The following GABBR2 variants were observed in gnomAD, a reference collection of about 807,000 sequenced individuals.
The protein encoded by GABBR2 is G-protein coupled receptor 51.
In GABBR2, 23 loss-of-function variants were observed where a neutral mutation model predicts 105.6. The observed-to-expected ratio is 0.22, with a 90% CI of 0.16 to 0.31. The LOEUF (loss-of-function observed/expected upper bound fraction) is 0.31, where lower values mean the gene tolerates loss of function less well. Ranked by LOEUF, GABBR2 falls within the 10% of genes least tolerant of loss-of-function variation. The pLI is 1.00. For missense variants in GABBR2, 734 were observed against 1,245.5 expected, an observed-to-expected ratio of 0.59 and a Z score of 6.18; for synonymous variants, 478 against 499.7, an observed-to-expected ratio of 0.96 and a Z score of 0.58.
intron 1 of GABBR2, among the ~76,000 whole-genome samples, chr9:98,610,228 T>C (rs993132596): frequency 6.6e-6 from 1 of 152,136 alleles, no homozygotes; most frequent in Non-Finnish European, 1.5e-5. Flanking sequence ...CCATTTAACC[T>C]CTCTGAGCCT....
At chr9:98,648,976 A>G (rs1286156065) in intron 1 of GABBR2, among the ~76,000 whole-genome samples, 4 of 152,164 alleles carry the variant, frequency 2.6e-5, no homozygotes, top group Non-Finnish European at 5.9e-5. Flanking sequence ...TTCTTTTTAA[A>G]TGGGTCATGC....
chr9:98,362,497 TC>T (rs1831603029), intron 13 of GABBR2: 2 of 303,194 alleles, frequency 6.6e-6, no homozygotes, highest in Non-Finnish European at 1.2e-5. Context: ...GCCCAACATT[TC>T]CCATTCATTC....
intron 13 of GABBR2, among the ~76,000 whole-genome samples, chr9:98,335,669 A>G (rs1831102166): frequency 6.6e-6 from 1 of 152,026 alleles, no homozygotes; most frequent in African/African-American, 2.4e-5. Context: ...ATCATTCAAC[A>G]ACAACAACAA....
intron 6 of GABBR2, among the ~76,000 whole-genome samples, chr9:98,465,375 C>G (rs889754731): frequency 1.3e-5 from 2 of 152,058 alleles, no homozygotes; most frequent in African/African-American, 4.8e-5. Context: ...ACCTCACATC[C>G]TATACAAAAT....
rs1588171736 is a variant in GABBR2 at position 98,458,194 on chromosome 9, G to C, written c.1000-3977C>G. On this transcript the variant is annotated intron_variant, in intron 6 of 18. Transcript: ENST00000259455. ...GAGCTGAGTCCTTCTTCCTGGGAGAGGGGAGCCTCATGGACAGAAGAGAGG... is the reference window on the plus strand; with the variant it reads ...GAGCTGAGTCCTTCTTCCTGGGAGACGGGAGCCTCATGGACAGAAGAGAGG... 2.6e-5 allele frequency among the ~76,000 whole-genome samples: 4 copies of C among 152,298 alleles called. No homozygotes were observed. In the South Asian group the frequency reaches 6.2e-4, roughly 24 times the overall value.
At position 98,327,058 on chromosome 9, in the gene GABBR2, C is replaced by T. The variant is rs141566901; in HGVS notation, c.1894-15853G>A. Among the ~76,000 whole-genome samples, 59 of 152,304 alleles carry T rather than the reference C, an allele frequency of 3.9e-4. 2 individuals are homozygous for T. In the East Asian group the frequency reaches 0.011, roughly 29 times the overall value. On this transcript the variant is annotated intron_variant, in intron 13 of 18. Transcript: ENST00000259455. ...TGTTTCAATACCCTGTTGGGCTAAACGCTTCTTTTGAAGATGGAAGACTGT... is the reference window on the plus strand; with the variant it reads ...TGTTTCAATACCCTGTTGGGCTAAATGCTTCTTTTGAAGATGGAAGACTGT...
chr9:98,628,472 A>C (rs1829775630), intron 1 of GABBR2, among the ~76,000 whole-genome samples: 1 of 152,170 alleles, frequency 6.6e-6, no homozygotes, highest in Non-Finnish European at 1.5e-5. Flanking sequence ...GCTCCGGGGC[A>C]CCATTTGGCT....
Position 98,480,913 on chromosome 9 carries a change from A to T in GABBR2, c.798+19T>A. On this transcript the variant is annotated intron_variant, in intron 5 of 18. Transcript: ENST00000259455. ...GTGAACCTCCCCAAAGACACGAATGATACAACTGTTTTACTTACACAACAG... is the reference window on the plus strand; with the variant it reads ...GTGAACCTCCCCAAAGACACGAATGTTACAACTGTTTTACTTACACAACAG... 3 of 1,481,268 alleles carry T rather than the reference A, an allele frequency of 2.0e-6. No individual in the cohort carries two copies. The highest frequency in any genetic ancestry group is 2.8e-6 in the Non-Finnish European group (3 of 1,058,676). The allele number at this position is 1,481,268 out of a possible 1,614,324, so 91.8% of individuals were successfully genotyped here.
chr9:98,314,457 A>G (rs1175756770), intron 13 of GABBR2, among the ~76,000 whole-genome samples: 1 of 152,082 alleles, frequency 6.6e-6, no homozygotes, highest in Admixed American at 6.6e-5. Flanking sequence ...AATGAACAGC[A>G]GTAATTTATG....
At chr9:98,636,684 G>A (rs1415764120) in intron 1 of GABBR2, among the ~76,000 whole-genome samples, 1 of 151,736 alleles carries the variant, frequency 6.6e-6, no homozygotes, top group Non-Finnish European at 1.5e-5. Flanking sequence ...AGTAGAGATG[G>A]GGTTTTACTG....
At chr9:98,320,935 A>C (rs1340781942) in intron 13 of GABBR2, among the ~76,000 whole-genome samples, 1 of 152,052 alleles carries the variant, frequency 6.6e-6, no homozygotes, top group Non-Finnish European at 1.5e-5. Flanking sequence ...GCATGTAACT[A>C]ACCTGCACAA....
intron 7 of GABBR2, among the ~76,000 whole-genome samples, chr9:98,412,146 A>G (rs1357042582): frequency 6.6e-6 from 1 of 152,244 alleles, no homozygotes; most frequent in Non-Finnish European, 1.5e-5. Context: ...ACTCTCCCTG[A>G]GAACAAGATC....
intron 1 of GABBR2, chr9:98,606,825 A>G (rs1588249573): frequency 8.0e-6 from 3 of 374,018 alleles, no homozygotes; most frequent in Middle Eastern, 8.6e-4. Context: ...AAAAAAAAGT[A>G]CAAACAGTGC....
intron 1 of GABBR2, among the ~76,000 whole-genome samples, chr9:98,619,311 C>T (rs1829636415): frequency 6.6e-6 from 1 of 151,542 alleles, no homozygotes; most frequent in Admixed American, 6.6e-5. Context: ...GCCCATGGAA[C>T]CAAGATTTGA....
chr9:98,701,173 G>A (rs888852917), intron 1 of GABBR2, among the ~76,000 whole-genome samples: 29 of 152,306 alleles, frequency 1.9e-4, no homozygotes, highest in Non-Finnish European at 3.8e-4. Context: ...CACAGGGAAG[G>A]AAAGTCAAAT....
chr9:98,614,481 CG>C (rs930027805), intron 1 of GABBR2, among the ~76,000 whole-genome samples: 2 of 151,978 alleles, frequency 1.3e-5, no homozygotes, highest in African/African-American at 4.8e-5. Flanking sequence ...GCCGAGGTTG[CG>C]CCAATGCACT....
At chr9:98,577,695 T>C (rs996844927) in intron 2 of GABBR2, among the ~76,000 whole-genome samples, 16 of 152,284 alleles carry the variant, frequency 1.1e-4, no homozygotes, top group African/African-American at 3.6e-4. Context: ...AGGGAGTCAG[T>C]GGTGAGCCCT....
chr9:98,544,266 G>A (rs761097472), intron 2 of GABBR2, among the ~76,000 whole-genome samples: 8 of 152,124 alleles, frequency 5.3e-5, no homozygotes, highest in African/African-American at 7.2e-5. Flanking sequence ...CTAGAACCAC[G>A]TTCCCCTTAC....
At chr9:98,530,520 G>A (rs560618534) in intron 3 of GABBR2, among the ~76,000 whole-genome samples, 5 of 152,330 alleles carry the variant, frequency 3.3e-5, no homozygotes, top group South Asian at 4.1e-4. Context: ...GCTCACACCT[G>A]TAATACCAGC....
Sources: allele counts gnomAD v4.1 joint callset (sites outside exome capture counted in the v4.1 genomes callset), GRCh38; gene constraint gnomAD v4.1.1; transcripts MANE v1.5; gene names NCBI Gene and HGNC (gene_info 2026-07-23, HGNC 2026-07-21).